The following EML5 variants were observed in gnomAD, a reference collection of about 807,000 sequenced individuals.
EML5 encodes echinoderm microtubule-associated protein-like 5.
A neutral mutation model predicts 250.0 loss-of-function variants in EML5; 120 were observed. The observed-to-expected ratio is 0.48, with a 90% CI of 0.41 to 0.56. The LOEUF (loss-of-function observed/expected upper bound fraction) is 0.56, where lower values mean the gene tolerates loss of function less well. Ranked by LOEUF, EML5 falls within the 20% of genes least tolerant of loss-of-function variation. EML5 has a pLI of 0.00. For missense variants in EML5, 2,006 were observed against 2,437.6 expected (o/e 0.82, Z 3.73); for synonymous variants, 771 against 806.5 (o/e 0.96, Z 0.75).
chr14:88,621,519 C>T (rs1476703666), intron 37 of EML5: 1 of 577,014 alleles, frequency 1.7e-6, no homozygotes, highest in South Asian at 2.2e-5. Context: ...AGAGTCCATG[C>T]TACAGAATAG....
chr14:88,618,124 C>T, intron 41 of EML5, 104 bp downstream of exon 41: 1 of 867,402 alleles, frequency 1.2e-6, no homozygotes. Context: ...AAACTTGAAA[C>T]TCAATTACTA....
At chr14:88,649,592 T>TTA (rs2091524370) in intron 28 of EML5, among the ~76,000 whole-genome samples, 2 of 152,216 alleles carry the variant, frequency 1.3e-5, no homozygotes, top group African/African-American at 2.4e-5. Flanking sequence ...GAATAGTCTT[T>TTA]CACTTAAATA....
At chr14:88,640,990 G>C (rs2091032384) in intron 31 of EML5, among the ~76,000 whole-genome samples, 1 of 150,276 alleles carries the variant, frequency 6.7e-6, no homozygotes, top group South Asian at 2.1e-4. Context: ...TCTAAAAAAA[G>C]AAGAAGAAGA....
intron 3 of EML5, among the ~76,000 whole-genome samples, chr14:88,745,262 A>C (rs2093988928): frequency 6.6e-6 from 1 of 151,706 alleles, no homozygotes; most frequent in Non-Finnish European, 1.5e-5. Context: ...ATATACACAA[A>C]ATTTTCTACC....
At chr14:88,772,193 C>T (rs979647866) in intron 1 of EML5, among the ~76,000 whole-genome samples, 1 of 152,194 alleles carries the variant, frequency 6.6e-6, no homozygotes, top group Admixed American at 6.5e-5. Flanking sequence ...TTCTATTAGC[C>T]TGTCCTACTG....
intron 1 of EML5, among the ~76,000 whole-genome samples, chr14:88,779,962 T>C (rs1308877007): frequency 6.6e-6 from 1 of 152,166 alleles, no homozygotes; most frequent in Non-Finnish European, 1.5e-5. Context: ...AAAAATTTTT[T>C]TTTTTGAAAT....
At chr14:88,776,701 C>A (rs1200953339) in intron 1 of EML5, among the ~76,000 whole-genome samples, 2 of 145,458 alleles carry the variant, frequency 1.4e-5, no homozygotes, top group African/African-American at 5.3e-5. Context: ...CGTAACATGG[C>A]AAAACCCTGT....
At chr14:88,695,015 C>A (rs989337449) in intron 16 of EML5, among the ~76,000 whole-genome samples, 1 of 151,852 alleles carries the variant, frequency 6.6e-6, no homozygotes, top group African/African-American at 2.4e-5. Context: ...GCATATATAT[C>A]TTTTTTCACT....
intron 4 of EML5, among the ~76,000 whole-genome samples, 159 bp from the exon 5 acceptor site, chr14:88,740,731 G>C (rs148732670): frequency 9.9e-4 from 151 of 152,270 alleles, no homozygotes; most frequent in African/African-American, 3.4e-3. Context: ...TCTCATCCTA[G>C]TGCTGTCAAA....
chr14:88,698,300 C>A (rs1277312955), intron 14 of EML5, among the ~76,000 whole-genome samples: 1 of 137,540 alleles, frequency 7.3e-6, no homozygotes, highest in Non-Finnish European at 1.5e-5. Flanking sequence ...AGGTTTCACT[C>A]CTGTTGCCCT....
At chr14:88,727,367 T>A (rs2401746) in intron 7 of EML5, among the ~76,000 whole-genome samples, 59,921 of 150,588 alleles carry the variant, frequency 0.4, 14,354 homozygotes, top group African/African-American at 0.65. Flanking sequence ...CTTTCCCAAC[T>A]TCTCAACTCT....
chr14:88,768,217 G>C (rs565451447), intron 1 of EML5, among the ~76,000 whole-genome samples: 3 of 151,992 alleles, frequency 2.0e-5, no homozygotes, highest in African/African-American at 4.8e-5. Flanking sequence ...TGTTTACCTC[G>C]ATCCCTTGGT....
At chr14:88,741,745 GGGCA>G (rs2093928057) in intron 4 of EML5, among the ~76,000 whole-genome samples, 1 of 152,012 alleles carries the variant, frequency 6.6e-6, no homozygotes, top group East Asian at 1.9e-4. Context: ...AAATGGGACA[GGGCA>G]GAGATACATA....
intron 1 of EML5, among the ~76,000 whole-genome samples, chr14:88,780,254 G>A (rs28408340): frequency 0.64 from 97,289 of 152,084 alleles, 33,134 homozygotes; most frequent in East Asian, 0.93. Flanking sequence ...CACCCAGCCC[G>A]TGTTTCTGAA....
At chr14:88,757,562 G>A (rs1285770682) in intron 1 of EML5, among the ~76,000 whole-genome samples, 2 of 151,996 alleles carry the variant, frequency 1.3e-5, no homozygotes, top group Admixed American at 1.3e-4. Flanking sequence ...TATTTGCAGA[G>A]CATATATCTG....
At chr14:88,616,461 A>C (rs1447103404) in intron 42 of EML5, 1 of 612,376 alleles carries the variant, frequency 1.6e-6, no homozygotes, top group Non-Finnish European at 2.8e-6. Context: ...TTTTTCTCTA[A>C]GGAAAAGCAT....
chr14:88,708,416 A>T (rs2093352850), intron 10 of EML5, among the ~76,000 whole-genome samples: 1 of 152,148 alleles, frequency 6.6e-6, no homozygotes, highest in African/African-American at 2.4e-5. Context: ...CTCTTTAAAG[A>T]CAGCAGTGGT....
Position 88,701,499 on chromosome 14 carries a change from A to G in EML5, c.2238+947T>C, listed in dbSNP as rs376089213. ...TTGGTACATAGAATGTGCTTGATGA[A>G]TGTTTTTGAGTGAATGAAAGAAAGG... On this transcript the variant is annotated intron_variant, in intron 14 of 43. Transcript: ENST00000554922. Among the ~76,000 whole-genome samples the G allele has an allele frequency of 1.2e-4, 18 of 152,238 alleles. No individual in the cohort carries two copies. The East Asian group carries it at 3.1e-3, about 26-fold the overall frequency.
At chr14:88,646,752 G>A (rs867998642) in intron 29 of EML5, among the ~76,000 whole-genome samples, 195 bp downstream of exon 29, 3 of 152,008 alleles carry the variant, frequency 2.0e-5, no homozygotes, top group Non-Finnish European at 4.4e-5. Flanking sequence ...TTTTAGTAAA[G>A]CAGTTACTTA....
Sources: gnomAD v4.1 joint callset for allele counts (sites outside exome capture counted in the v4.1 genomes callset) on GRCh38, gnomAD v4.1.1 for gene constraint, MANE v1.5 for transcripts, NCBI Gene and HGNC (gene_info 2026-07-23, HGNC 2026-07-21) for gene names.